The following COL5A2 variants were observed in gnomAD, a reference collection of about 807,000 sequenced individuals.
COL5A2 encodes collagen type V alpha 2 chain, also known as collagen alpha-2(V) chain.
In COL5A2, 23 loss-of-function variants were observed where a neutral mutation model predicts 208.2. The observed-to-expected ratio is 0.11, with a 90% CI of 0.08 to 0.16. The LOEUF (loss-of-function observed/expected upper bound fraction) is 0.16, where lower values mean the gene tolerates loss of function less well. COL5A2 is among the 10% of genes least tolerant of loss of function. COL5A2 has a pLI of 1.00. For missense variants in COL5A2, 1,590 were observed against 1,956.4 expected (o/e 0.81, Z 3.53); for synonymous variants, 625 against 628.5 (o/e 0.99, Z 0.08).
At position 189,032,601 on chromosome 2, in the gene COL5A2, C is replaced by T. The variant is rs1685357682; in HGVS notation, c.*1469G>A. ...GCATGGCTTGTCTTTTGGGATGGTCCCAGCTGTTTATTTTAAAAGAAAAAA... is the reference window on the plus strand; with the variant it reads ...GCATGGCTTGTCTTTTGGGATGGTCTCAGCTGTTTATTTTAAAAGAAAAAA... On this transcript the variant is annotated 3_prime_UTR_variant, in exon 54 of 54. Coordinates refer to ENST00000374866, the MANE Select transcript of COL5A2 (RefSeq NM_000393.5). The T allele has an allele frequency of 6.6e-6, 1 of 151,904 alleles. No individual in the cohort carries two copies. The highest frequency in any genetic ancestry group is 6.6e-5 in the Admixed American group (1 of 15,232). The allele number at this position is 151,904 out of a possible 1,614,324, so 9.4% of individuals were successfully genotyped here.
chr2:189,397,198 A>T, the COL5A2 span, among the ~76,000 whole-genome samples: 3 of 152,072 alleles, frequency 2.0e-5, no homozygotes, highest in Non-Finnish European at 2.9e-5. Flanking sequence ...CCAAGAGGAG[A>T]CACTTAGGCC....
At chr2:189,329,041 A>G in the COL5A2 span, among the ~76,000 whole-genome samples, 1 of 152,204 alleles carries the variant, frequency 6.6e-6, no homozygotes, top group Non-Finnish European at 1.5e-5. Flanking sequence ...TCACTGCAGC[A>G]TTACTCACCA....
chr2:189,125,094 T>C (rs900961243), intron 1 of COL5A2, among the ~76,000 whole-genome samples: 1 of 152,168 alleles, frequency 6.6e-6, no homozygotes, highest in Non-Finnish European at 1.5e-5. Context: ...TAAAGAACTA[T>C]GGGATTTATT....
the COL5A2 span, among the ~76,000 whole-genome samples, chr2:189,247,110 AGGTAGAAT>A: frequency 6.6e-6 from 1 of 150,780 alleles, no homozygotes; most frequent in African/African-American, 2.4e-5. Flanking sequence ...GATCTGAGAC[AGGTAGAAT>A]GGTGATGAGG....
chr2:189,378,468 T>C, the COL5A2 span, among the ~76,000 whole-genome samples: 1 of 152,162 alleles, frequency 6.6e-6, no homozygotes. Context: ...CTCACGCCTG[T>C]AATCCCAGCA....
At position 189,157,673 on chromosome 2, in the gene COL5A2, T is replaced by C. The variant is rs188189263; in HGVS notation, c.97+21835A>G. On this transcript the variant is annotated intron_variant, in intron 1 of 53. Transcript: ENST00000374866. ...GTTTTTGGATGACAAAAATAAAATG[T>C]GGGCTAATTCTTCAGTGGAATTAAA... Among the ~76,000 whole-genome samples, 97 of 152,140 alleles carry C rather than the reference T, an allele frequency of 6.4e-4. 1 individual carries two copies. The highest frequency in any genetic ancestry group is 2.1e-3 in the African/African-American group (87 of 41,570).
intron 5 of COL5A2, 40 bp downstream of exon 5, chr2:189,098,687 G>A: frequency 2.0e-6 from 3 of 1,501,258 alleles, no homozygotes; most frequent in Non-Finnish European, 2.8e-6. Context: ...GTATCTCAAG[G>A]AATACAAGAG....
chr2:189,229,384 CAT>C (rs1689453297), upstream of COL5A2, among the ~76,000 whole-genome samples: 2 of 151,188 alleles, frequency 1.3e-5, no homozygotes, highest in South Asian at 2.1e-4. Context: ...TTCATGGATG[CAT>C]GATCTTGTAT....
At chr2:189,057,465 A>G in intron 33 of COL5A2, 38 bp from the exon 34 acceptor site, 1 of 1,449,456 alleles carries the variant, frequency 6.9e-7, no homozygotes, top group Non-Finnish European at 9.7e-7. Flanking sequence ...TACCAATAAT[A>G]TTAAGATTAA....
At chr2:189,299,415 A>G in the COL5A2 span, among the ~76,000 whole-genome samples, 1 of 152,178 alleles carries the variant, frequency 6.6e-6, no homozygotes, top group Non-Finnish European at 1.5e-5. Context: ...CAGACCCATG[A>G]GCCCACCTCG....
At chr2:189,063,383 G>T in intron 26 of COL5A2, 113 bp from the exon 27 acceptor site, 1 of 881,800 alleles carries the variant, frequency 1.1e-6, no homozygotes, top group Non-Finnish European at 1.8e-6. Context: ...AAATTATCTT[G>T]CATTTTCATG....
At chr2:189,414,121 T>C in the COL5A2 span, among the ~76,000 whole-genome samples, 2 of 152,070 alleles carry the variant, frequency 1.3e-5, no homozygotes, top group Non-Finnish European at 2.9e-5. Flanking sequence ...GGATGCTATA[T>C]TGATTTATTT....
At chr2:189,360,028 T>C in the COL5A2 span, among the ~76,000 whole-genome samples, 1 of 152,152 alleles carries the variant, frequency 6.6e-6, no homozygotes. Context: ...TCATTGATCT[T>C]TTTTAAGTCT....
At chr2:189,413,445 TTAAAAA>T in the COL5A2 span, among the ~76,000 whole-genome samples, 27 of 152,074 alleles carry the variant, frequency 1.8e-4, no homozygotes, top group Non-Finnish European at 1.5e-5. Context: ...TAAATAAGTA[TTAAAAA>T]GGATGACGAC....
chr2:189,264,226 T>G, the COL5A2 span, among the ~76,000 whole-genome samples: 1 of 152,032 alleles, frequency 6.6e-6, no homozygotes, highest in Admixed American at 6.6e-5. Context: ...AGAGATAATA[T>G]TATAAAATTT....
At position 189,045,922 on chromosome 2, in the gene COL5A2, CATG is replaced by C; in HGVS notation, c.3202-18_3202-16del. ...CCACGATCACCCTAACAAGAATAAC[CATG>C]ATATTATTTTTTAACATTTATTCTA... On this transcript the variant is annotated splice_polypyrimidine_tract_variant and intron_variant, in intron 45 of 53. Coordinates refer to ENST00000374866, the MANE Select transcript of COL5A2 (RefSeq NM_000393.5). 2.5e-6 allele frequency: 4 copies of C among 1,599,648 alleles called. No individual in the cohort carries two copies. The highest frequency in any genetic ancestry group is 3.4e-6 in the Non-Finnish European group (4 of 1,166,880).
the COL5A2 span, among the ~76,000 whole-genome samples, chr2:189,315,896 T>C: frequency 6.6e-6 from 1 of 152,162 alleles, no homozygotes; most frequent in East Asian, 1.9e-4. Flanking sequence ...TGCACTGAGA[T>C]ACCATCTTAC....
intron 1 of COL5A2, among the ~76,000 whole-genome samples, chr2:189,198,969 C>T (rs554641238): frequency 3.9e-5 from 6 of 152,080 alleles, no homozygotes; most frequent in Admixed American, 1.3e-4. Context: ...TTCACTCATT[C>T]GACCATGCTA....
chr2:189,236,245 G>C, the COL5A2 span, among the ~76,000 whole-genome samples: 11 of 151,654 alleles, frequency 7.3e-5, no homozygotes, highest in Admixed American at 7.2e-4. Flanking sequence ...CATGACTCTA[G>C]TTGTGCTGAG....
Sources: allele counts gnomAD v4.1 joint callset (sites outside exome capture counted in the v4.1 genomes callset), GRCh38; gene constraint gnomAD v4.1.1; transcripts MANE v1.5; gene names NCBI Gene and HGNC (gene_info 2026-07-23, HGNC 2026-07-21).